Variants in ANAPC15 observed in about 807,000 individuals in gnomAD.
ANAPC15 encodes anaphase promoting complex subunit 15, also known as anaphase-promoting complex subunit 15.
In ANAPC15, 13 loss-of-function variants were observed where a neutral mutation model predicts 19.8. The observed-to-expected ratio is 0.66, with a 90% CI of 0.43 to 1.04. The LOEUF is 1.04. Ranked by LOEUF, ANAPC15 falls within the 50% of genes least tolerant of loss-of-function variation. The probability of loss-of-function intolerance (pLI) is 0.00; values close to 1 mark genes in which losing one functional copy is unlikely to be tolerated. For missense variants in ANAPC15, 88 were observed against 150.3 expected (o/e 0.59, Z 2.17); for synonymous variants, 45 against 50.7 (o/e 0.89, Z 0.47).
downstream of ANAPC15, chr11:72,107,877 T>G: frequency 1.9e-6 from 3 of 1,546,612 alleles, no homozygotes; most frequent in East Asian, 7.3e-5. Flanking sequence ...TCAGGGGCCC[T>G]GCATCCATCT....
At chr11:72,110,506 C>A (rs373529881) in intron 4 of ANAPC15, 38 bp downstream of exon 4, 22 of 1,611,066 alleles carry the variant, frequency 1.4e-5, no homozygotes, top group Non-Finnish European at 1.7e-5. Flanking sequence ...CGGTCCACTG[C>A]GGCCCCCACA....
chr11:72,107,264 C>G (rs1945778183), downstream of ANAPC15: 7 of 600,066 alleles, frequency 1.2e-5, no homozygotes, highest in South Asian at 1.4e-4. Context: ...AAGACTTGGT[C>G]TCAAAAATAA....
upstream of ANAPC15, chr11:72,112,754 C>T (rs1196851322): frequency 2.2e-6 from 1 of 456,430 alleles, no homozygotes; most frequent in African/African-American, 2.0e-5. Flanking sequence ...CGTCCTTCGT[C>T]TCCTTTTGTT....
Position 72,110,546 on chromosome 11 carries a change from C to A in ANAPC15, c.178G>T (p.Glu60Ter). ...NLVPIGKPAS[E>*]HYDDEEEEDD... ...CCCCACCTGCTAGAGCCACTCACCTCTGAGGCTGGCTTGCCAATAGGAACC... is the reference window on the plus strand; with the variant it reads ...CCCCACCTGCTAGAGCCACTCACCTATGAGGCTGGCTTGCCAATAGGAACC... Residue 60 changes from glutamate to a stop codon, truncating the protein, a stop_gained and splice_region_variant, in exon 4 of 6, where the codon GAG becomes TAG. Coordinates refer to ENST00000227618, the MANE Select transcript of ANAPC15 (RefSeq NM_014042.3). LOFTEE classifies it high-confidence loss of function. 6.2e-7 allele frequency: 1 copy of A among 1,614,228 alleles called. No individual in the cohort carries two copies. Among genetic ancestry groups the A allele is most frequent in the Non-Finnish European group, 8.5e-7 (1 of 1,180,042 alleles).
downstream of ANAPC15, chr11:72,108,668 A>T: frequency 2.0e-6 from 3 of 1,531,630 alleles, no homozygotes; most frequent in Non-Finnish European, 2.6e-6. Flanking sequence ...GTATCAGCTG[A>T]GTCGGGCAGA....
In ANAPC15 at chr11:72,111,061, C is replaced by T. The variant is rs570532487; in HGVS notation, c.120+96G>A. 5.4e-5 allele frequency: 48 copies of T among 889,500 alleles called. 1 individual carries two copies. In the South Asian group the frequency reaches 7.3e-4, roughly 14 times the overall value. 55.1% of individuals were successfully genotyped at this position (889,500 alleles called of 1,614,324 possible). A position where few individuals can be genotyped will look rare whatever the true frequency, so the allele number is the denominator to read the frequency against. ...TCCCAGCTCAGGGCAAAAAGCTCTT[C>T]CTGGGTAGATTTCTGGAGTAAGGCT... On this transcript the variant is annotated intron_variant, in intron 3 of 5. Coordinates refer to ENST00000227618, the MANE Select transcript of ANAPC15 (RefSeq NM_014042.3).
In ANAPC15 at chr11:72,111,428, GC is replaced by G. The variant is rs146865224; in HGVS notation, c.-28del. 787 of 639,896 alleles carry G rather than the reference GC, an allele frequency of 1.2e-3. 5 individuals carry two copies. The African/African-American group carries it at 0.014, about 11-fold the overall frequency. The allele number at this position is 639,896 out of a possible 1,614,324, so 39.6% of individuals were successfully genotyped here. A position where few individuals can be genotyped will look rare whatever the true frequency, so the allele number is the denominator to read the frequency against. On this transcript the variant is annotated 5_prime_UTR_variant, in exon 2 of 6. Transcript: ENST00000227618. ...CAGACAGACCTGGCTTTGAGTCCTG[GC>G]TCCACCACTTACTAGCTGTTTGACC...
chr11:72,110,887 C>A (rs2135273140), intron 3 of ANAPC15: 2 of 573,668 alleles, frequency 3.5e-6, no homozygotes, highest in East Asian at 5.8e-5. Flanking sequence ...AATTAATAGT[C>A]AAAATTATTT....
At chr11:72,111,792 C>T (rs540202063) in intron 1 of ANAPC15, 4 of 155,310 alleles carry the variant, frequency 2.6e-5, no homozygotes, top group Middle Eastern at 6.7e-3. Context: ...ACACTAACGA[C>T]CTCTCATGAA....
downstream of ANAPC15, chr11:72,107,632 C>G: frequency 1.6e-6 from 1 of 642,480 alleles, no homozygotes; most frequent in Non-Finnish European, 2.8e-6. Context: ...GGATCAGGTC[C>G]AAGGTCCTGA....
At chr11:72,110,720 CCAGTTCT>C in intron 3 of ANAPC15, 117 bp from the exon 4 acceptor site, 2 of 1,087,344 alleles carry the variant, frequency 1.8e-6, no homozygotes, top group Non-Finnish European at 2.7e-6. Context: ...AAGCTTCCTC[CCAGTTCT>C]CAGGGAGATA....
chr11:72,112,088 A>G (rs1947143443), intron 1 of ANAPC15: 1 of 153,114 alleles, frequency 6.5e-6, no homozygotes, highest in East Asian at 1.9e-4. Flanking sequence ...GAAAGGGATG[A>G]GCAGGAGAAA....
chr11:72,107,262 G>T, downstream of ANAPC15: 1 of 599,878 alleles, frequency 1.7e-6, no homozygotes, highest in Non-Finnish European at 3.0e-6. Flanking sequence ...GCAAGACTTG[G>T]TCTCAAAAAT....
chr11:72,106,866 A>T (rs999600344), downstream of ANAPC15: 5 of 151,376 alleles, frequency 3.3e-5, no homozygotes, highest in African/African-American at 1.2e-4. Flanking sequence ...GCTTGAGCCC[A>T]GGAGGCTGAG....
At position 72,109,834 on chromosome 11, in the gene ANAPC15, G is replaced by C; in HGVS notation, c.*47C>G. 6.2e-7 allele frequency: 1 copy of C among 1,610,632 alleles called. No individual in the cohort carries two copies. The highest frequency in any genetic ancestry group is 1.1e-5 in the South Asian group (1 of 90,972). On this transcript the variant is annotated 3_prime_UTR_variant, in exon 6 of 6. Transcript: ENST00000227618. ...GGGTTGGGGGTTGGGATGCAGGGTA[G>C]TTTGGGCTGGCCTGGAATCTCCCTG...
chr11:72,109,137 T>C (rs1946065992), downstream of ANAPC15: 3 of 568,750 alleles, frequency 5.3e-6, no homozygotes, highest in African/African-American at 1.9e-5. Flanking sequence ...GCCCCCTCTT[T>C]CCAGAGAGAA....
chr11:72,110,506 C>T (rs373529881), intron 4 of ANAPC15, 38 bp downstream of exon 4: 8 of 1,610,948 alleles, frequency 5.0e-6, no homozygotes, highest in Middle Eastern at 1.6e-4. Context: ...CGGTCCACTG[C>T]GGCCCCCACA....
intron 3 of ANAPC15, 43 bp downstream of exon 3, chr11:72,111,114 T>C (rs1946770935): frequency 1.5e-6 from 2 of 1,352,786 alleles, no homozygotes; most frequent in Non-Finnish European, 2.1e-6. Context: ...AGGAGGTCTC[T>C]GTCTGTGCTG....
intron 4 of ANAPC15, 98 bp from the exon 5 acceptor site, chr11:72,110,323 C>T: frequency 6.3e-7 from 1 of 1,588,134 alleles, no homozygotes; most frequent in Admixed American, 1.7e-5. Flanking sequence ...ATGAATGACC[C>T]CCTACCCCGA....
Sources: allele counts gnomAD v4.1 joint callset, GRCh38; gene constraint gnomAD v4.1.1; transcripts MANE v1.5; gene names NCBI Gene and HGNC (gene_info 2026-07-23, HGNC 2026-07-21).